Variants in SPAG16 observed in about 807,000 individuals in gnomAD.
SPAG16 encodes sperm-associated antigen 16 protein.
SPAG16 carries 86 observed loss-of-function variants against 80.4 expected under a neutral mutation model. The observed-to-expected ratio is 1.07, with a 90% CI of 0.90 to 1.28. The LOEUF (loss-of-function observed/expected upper bound fraction) is 1.28, where lower values mean the gene tolerates loss of function less well. Ranked by LOEUF, SPAG16 falls within the 50% of genes most tolerant of loss-of-function variation. SPAG16 has a pLI of 0.00. For synonymous variants in SPAG16, 294 were observed against 265.9 expected, an observed-to-expected ratio of 1.11 and a Z score of -1.03; for missense variants, 870 against 765.3, an observed-to-expected ratio of 1.14 and a Z score of -1.61.
chr2:214,215,366 G>A lies in SPAG16; in HGVS notation c.1720+66100G>A, dbSNP rs571633053. 2.1e-3 allele frequency among the ~76,000 whole-genome samples: 326 copies of A among 152,100 alleles called. 1 individual carries two copies. The highest frequency in any genetic ancestry group is 3.6e-3 in the Non-Finnish European group (246 of 67,972). On this transcript the variant is annotated intron_variant, in intron 15 of 15. Coordinates refer to ENST00000331683, the MANE Select transcript of SPAG16 (RefSeq NM_024532.5). ...CAAGAATAGAATAGACTGGCCTCAC[G>A]GAAGATATTCTCCAACCTACCAGCC...
intron 15 of SPAG16, among the ~76,000 whole-genome samples, chr2:214,248,296 TTATTATTATTATTATTATTATTATTATTA>T (rs1455984793): frequency 2.7e-5 from 2 of 75,320 alleles, no homozygotes; most frequent in African/African-American, 5.7e-5. Flanking sequence ...TATATTATTA[TTATTATTATTATTATTATTATTATTATTA>T]TTATTATTAT....
chr2:213,669,553 T>A (rs2063738786), intron 10 of SPAG16, among the ~76,000 whole-genome samples: 1 of 152,174 alleles, frequency 6.6e-6, no homozygotes, highest in Non-Finnish European at 1.5e-5. Flanking sequence ...TTGCTAAGCC[T>A]TTTTTAAAAA....
chr2:213,702,471 A>T lies in SPAG16; in HGVS notation c.1071-160014A>T, dbSNP rs145547624. Among the ~76,000 whole-genome samples the T allele has an allele frequency of 9.9e-3, 1,504 of 152,280 alleles. 11 individuals are homozygous for T. The highest frequency in any genetic ancestry group is 0.048 in the Middle Eastern group (14 of 294). ...CTGAGGCCAGTGAGACCACGAACTC[A>T]CCAAAAGGAACAAACAACTCCAGCC... On this transcript the variant is annotated intron_variant, in intron 10 of 15. Transcript: ENST00000331683.
chr2:213,483,456 C>T (rs374795559), intron 9 of SPAG16, among the ~76,000 whole-genome samples: 2 of 152,108 alleles, frequency 1.3e-5, no homozygotes, highest in Non-Finnish European at 2.9e-5. Flanking sequence ...ATATATTGAA[C>T]CTGTTATATT....
At chr2:213,533,258 T>C (rs1327041271) in intron 10 of SPAG16, among the ~76,000 whole-genome samples, 1 of 152,176 alleles carries the variant, frequency 6.6e-6, no homozygotes, top group African/African-American at 2.4e-5. Context: ...TTTTTGTATA[T>C]ATGTATATAT....
chr2:213,503,507 G>A (rs1465718617), intron 10 of SPAG16, among the ~76,000 whole-genome samples: 3 of 152,172 alleles, frequency 2.0e-5, no homozygotes, highest in Non-Finnish European at 2.9e-5. Flanking sequence ...GATTTAACCT[G>A]TAATGTGACT....
Position 214,378,367 on chromosome 2 carries a change from T to A in SPAG16, c.1721-31773T>A, listed in dbSNP as rs149010163. On this transcript the variant is annotated intron_variant, in intron 15 of 15. Coordinates refer to ENST00000331683, the MANE Select transcript of SPAG16 (RefSeq NM_024532.5). ...AGATGCATTGGCTTAGATATTAGGA[T>A]GTCTAACATGGGGCAGAATGAGTTG... Among the ~76,000 whole-genome samples, 347 of 152,344 alleles carry A rather than the reference T, an allele frequency of 2.3e-3. 1 individual carries two copies. Among genetic ancestry groups the A allele is most frequent in the African/African-American group, 8.0e-3 (334 of 41,584 alleles).
chr2:213,789,336 G>A (rs1258271011), intron 10 of SPAG16, among the ~76,000 whole-genome samples: 1 of 151,832 alleles, frequency 6.6e-6, no homozygotes, highest in African/African-American at 2.4e-5. Context: ...TTTGACTTCA[G>A]TCATTTATGT....
chr2:214,148,656 G>T lies in SPAG16; in HGVS notation c.1594-484G>T, dbSNP rs1033369907. Reference sequence around the variant, plus strand: ...TCTTTTTGTTTTTTCTCTATTTGAGGTATAAATTATCAATGCTAACTAACT... The same window carrying T: ...TCTTTTTGTTTTTTCTCTATTTGAGTTATAAATTATCAATGCTAACTAACT... On this transcript the variant is annotated intron_variant, in intron 14 of 15. Coordinates refer to ENST00000331683, the MANE Select transcript of SPAG16 (RefSeq NM_024532.5). 1.1e-3 allele frequency among the ~76,000 whole-genome samples: 60 copies of T among 53,850 alleles called. 1 individual carries two copies. The highest frequency in any genetic ancestry group is 1.7e-3 in the East Asian group (3 of 1,728). 35.3% of individuals were successfully genotyped at this position (53,850 alleles called of 152,430 possible).
At chr2:213,522,472 A>C (rs1417485891) in intron 10 of SPAG16, among the ~76,000 whole-genome samples, 1 of 152,214 alleles carries the variant, frequency 6.6e-6, no homozygotes, top group Non-Finnish European at 1.5e-5. Flanking sequence ...ACAAAGCCTC[A>C]GGCAATCCAG....
intron 14 of SPAG16, among the ~76,000 whole-genome samples, chr2:214,132,161 A>T (rs1019845702): frequency 1.3e-5 from 2 of 152,228 alleles, no homozygotes; most frequent in Non-Finnish European, 2.9e-5. Flanking sequence ...TTCTTGAAAG[A>T]GTTCTATTGC....
intron 15 of SPAG16, among the ~76,000 whole-genome samples, chr2:214,156,743 A>G (rs1423774978): frequency 2.0e-5 from 3 of 152,178 alleles, no homozygotes; most frequent in Admixed American, 6.5e-5. Flanking sequence ...GCAGTCAACT[A>G]TAGTCCTGCC....
chr2:213,743,726 G>A (rs982239285), intron 10 of SPAG16, among the ~76,000 whole-genome samples: 3 of 151,756 alleles, frequency 2.0e-5, no homozygotes, highest in Admixed American at 6.6e-5. Flanking sequence ...TATTTGTTGC[G>A]CATTTCTTTT....
chr2:214,240,054 T>C (rs1378493902), intron 15 of SPAG16: 2 of 152,116 alleles, frequency 1.3e-5, no homozygotes, highest in Admixed American at 6.6e-5. Flanking sequence ...CATTAAAGAA[T>C]GATGAGGAAA....
At chr2:214,324,386 A>G (rs1297465622) in intron 15 of SPAG16, among the ~76,000 whole-genome samples, 5 of 152,236 alleles carry the variant, frequency 3.3e-5, no homozygotes, top group Non-Finnish European at 1.5e-5. Flanking sequence ...AGCAAAGAAT[A>G]AAGCTTTAAT....
rs553413326 is a variant in SPAG16, at chr2:213,958,919, G to A, written c.1400+28774G>A. 1.4e-4 allele frequency among the ~76,000 whole-genome samples: 21 copies of A among 152,198 alleles called. No individual in the cohort carries two copies. In the South Asian group the frequency reaches 2.9e-3, roughly 21 times the overall value. On this transcript the variant is annotated intron_variant, in intron 12 of 15. Transcript: ENST00000331683. ...TCATTTTACGCTGCAGGACTTTCTCGTACATTTCTTTCAGGGCAGTTCTAC... is the reference window on the plus strand; with the variant it reads ...TCATTTTACGCTGCAGGACTTTCTCATACATTTCTTTCAGGGCAGTTCTAC...
chr2:214,008,208 A>G (rs372105911), intron 12 of SPAG16, among the ~76,000 whole-genome samples: 3 of 152,158 alleles, frequency 2.0e-5, no homozygotes, highest in African/African-American at 7.2e-5. Flanking sequence ...CCATTCTTAC[A>G]TAGACCTCTT....
At chr2:214,164,952 A>G (rs539286391) in intron 15 of SPAG16, among the ~76,000 whole-genome samples, 41 of 152,140 alleles carry the variant, frequency 2.7e-4, no homozygotes, top group Non-Finnish European at 5.4e-4. Flanking sequence ...ATATTCTTGT[A>G]TAAGGGCTAT....
At chr2:213,582,368 T>A (rs2060326339) in intron 10 of SPAG16, among the ~76,000 whole-genome samples, 1 of 152,144 alleles carries the variant, frequency 6.6e-6, no homozygotes, top group African/African-American at 2.4e-5. Context: ...ATTTTTAACA[T>A]TGACCTCAGG....
Sources: allele counts gnomAD v4.1 joint callset (sites outside exome capture counted in the v4.1 genomes callset), GRCh38; gene constraint gnomAD v4.1.1; transcripts MANE v1.5; gene names NCBI Gene and HGNC (gene_info 2026-07-23, HGNC 2026-07-21).